The following KIT variants were observed in gnomAD, a reference collection of about 807,000 sequenced individuals.
KIT encodes KIT proto-oncogene, receptor tyrosine kinase, also known as mast/stem cell growth factor receptor Kit.
Under a neutral mutation model 105.7 loss-of-function variants are expected in KIT, and 16 were observed. The observed-to-expected ratio is 0.15, with a 90% CI of 0.10 to 0.23. The LOEUF (loss-of-function observed/expected upper bound fraction) is 0.23. Among genes scored for constraint, KIT ranks in the 10% least tolerant of loss-of-function variants. The pLI is 1.00. For missense variants in KIT, 858 were observed against 1,213.8 expected (o/e 0.71, Z 4.36); for synonymous variants, 438 against 441.1 (o/e 0.99, Z 0.09).
At chr4:54,670,182 T>A (rs1718007954) in intron 1 of KIT, among the ~76,000 whole-genome samples, 4 of 152,236 alleles carry the variant, frequency 2.6e-5, no homozygotes, top group African/African-American at 9.6e-5. Flanking sequence ...CTGTTTGTTC[T>A]GGAATGTGCC....
At chr4:54,724,248 C>T (rs1722079399) in intron 8 of KIT, among the ~76,000 whole-genome samples, 1 of 152,174 alleles carries the variant, frequency 6.6e-6, no homozygotes, top group Non-Finnish European at 1.5e-5. Context: ...CCTTAAATTG[C>T]CCTTTTGCAT....
At chr4:54,724,152 A>G (rs1200271491) in intron 8 of KIT, among the ~76,000 whole-genome samples, 1 of 152,214 alleles carries the variant, frequency 6.6e-6, no homozygotes, top group Non-Finnish European at 1.5e-5. Context: ...CGCTTTTAAA[A>G]AGGGTTTCTT....
In KIT at chr4:54,740,504, G is replaced by A. The variant is rs963283577; in HGVS notation, c.*1947G>A. On this transcript the variant is annotated 3_prime_UTR_variant, in exon 21 of 21. Coordinates refer to ENST00000288135, the MANE Select transcript of KIT (RefSeq NM_000222.3). The stretch of plus-strand genomic sequence containing the variant: ...TTGAAATTATTTTGTGGCTTTTTTT[G>A]TAAATATTGAAATGTAGCAATAATG... 8.6e-6 allele frequency: 2 copies of A among 232,242 alleles called. No individual in the cohort carries two copies. The highest frequency in any genetic ancestry group is 1.7e-5 in the Non-Finnish European group (2 of 117,366). The allele number at this position is 232,242 out of a possible 1,614,324, so 14.4% of individuals were successfully genotyped here.
At chr4:54,706,062 A>G (rs1240870584) in intron 5 of KIT, among the ~76,000 whole-genome samples, 1 of 152,094 alleles carries the variant, frequency 6.6e-6, no homozygotes, top group Non-Finnish European at 1.5e-5. Context: ...ACCTTTTCTA[A>G]GGACTCCATT....
intron 1 of KIT, among the ~76,000 whole-genome samples, chr4:54,664,533 G>A (rs575928699): frequency 6.6e-6 from 1 of 152,128 alleles, no homozygotes; most frequent in African/African-American, 2.4e-5. Flanking sequence ...CTTAAAACTT[G>A]GACACTCCCT....
rs1192807264 is a variant in KIT at position 54,658,024 on chromosome 4, G to T, written c.10G>T (p.Ala4Ser). Residue 4 changes from alanine to serine, a missense_variant, in exon 1 of 21, where the codon GCT (alanine) becomes TCT (serine). Ala to Ser is a moderately conservative substitution (Grantham distance 99). Around this residue, in one of 7 missense-constraint regions of KIT, gnomAD observed 46 missense variants for 38.8 expected, o/e 1.19. Transcript: ENST00000288135. Reference protein sequence around the residue: MRGARGAWDFLCVL... With the variant: MRGSRGAWDFLCVL... ...CATCGCAGCTACCGCGATGAGAGGC[G>T]CTCGCGGCGCCTGGGATTTTCTCTG... 3.1e-6 allele frequency: 5 copies of T among 1,613,740 alleles called. No individual in the cohort carries two copies. The highest frequency in any genetic ancestry group is 4.2e-6 in the Non-Finnish European group (5 of 1,179,882).
rs750730674 is a variant in KIT at position 54,723,067 on chromosome 4, G to A, written c.1232-517G>A. Among the ~76,000 whole-genome samples, 5 of 151,384 alleles carry A rather than the reference G, an allele frequency of 3.3e-5. 1 individual carries two copies. The highest frequency in any genetic ancestry group is 2.1e-4 in the South Asian group (1 of 4,788). On this transcript the variant is annotated intron_variant, in intron 7 of 20. Transcript: ENST00000288135. ...AAATAGAGTGATTCGGCTTTTAATC[G>A]GCACCACCCTTCCACCCCCAAAAAG...
Position 54,740,640 on chromosome 4 carries a change from C to T in KIT, c.*2083C>T, listed in dbSNP as rs755986721. ...AAGTTTAAAGGATGTTGGTGTTCCA[C>T]GTGTTTTATTCCTGTATGTTGTCCA... On this transcript the variant is annotated 3_prime_UTR_variant, in exon 21 of 21. Transcript: ENST00000288135. The T allele has an allele frequency of 3.4e-5, 8 of 232,458 alleles. No individual in the cohort carries two copies. The highest frequency in any genetic ancestry group is 1.8e-4 in the South Asian group (1 of 5,520). 14.4% of individuals were successfully genotyped at this position (232,458 alleles called of 1,614,324 possible).
At chr4:54,735,290 A>T (rs1722858111) in intron 17 of KIT, among the ~76,000 whole-genome samples, 1 of 151,694 alleles carries the variant, frequency 6.6e-6, no homozygotes, top group Non-Finnish European at 1.5e-5. Context: ...GAACTTTAGC[A>T]CAACATCTAG....
intron 1 of KIT, among the ~76,000 whole-genome samples, chr4:54,686,217 C>A (rs1158057687): frequency 6.7e-6 from 1 of 149,572 alleles, no homozygotes; most frequent in East Asian, 1.9e-4. Context: ...TAAGGAGCTA[C>A]TTAAAAAAAA....
intron 14 of KIT, among the ~76,000 whole-genome samples, chr4:54,731,065 G>A (rs1049560402): frequency 3.3e-5 from 5 of 152,192 alleles, no homozygotes; most frequent in South Asian, 2.1e-4. Context: ...GTCAAGAGAC[G>A]GGAAATTTCT....
intron 1 of KIT, among the ~76,000 whole-genome samples, chr4:54,674,420 C>A (rs754587844): frequency 1.3e-5 from 2 of 152,182 alleles, no homozygotes; most frequent in Non-Finnish European, 2.9e-5. Context: ...GATAGTGGTT[C>A]CTGTAGCTGA....
chr4:54,673,127 CT>C (rs1408277433), intron 1 of KIT, among the ~76,000 whole-genome samples: 8 of 152,268 alleles, frequency 5.3e-5, no homozygotes, highest in Middle Eastern at 3.4e-3. Flanking sequence ...GTATTGGCTG[CT>C]GTAGGTTGAT....
At chr4:54,659,816 A>G (rs1039496556) in intron 1 of KIT, among the ~76,000 whole-genome samples, 9 of 152,218 alleles carry the variant, frequency 5.9e-5, no homozygotes, top group Admixed American at 3.3e-4. Context: ...TAAAAAATTA[A>G]AAGAATCAAT....
intron 1 of KIT, among the ~76,000 whole-genome samples, chr4:54,671,326 C>A (rs182871320): frequency 6.6e-6 from 1 of 152,104 alleles, no homozygotes; most frequent in Non-Finnish European, 1.5e-5. Context: ...GAGAAGGAAT[C>A]CAAGATAAAG....
In KIT at chr4:54,658,577, G is replaced by A. The variant is rs1221395592; in HGVS notation, c.67+496G>A. Among the ~76,000 whole-genome samples the A allele has an allele frequency of 5.3e-5, 8 of 152,298 alleles. No homozygotes were observed. The South Asian group carries it at 1.7e-3, about 32-fold the overall frequency. On this transcript the variant is annotated intron_variant, in intron 1 of 20. Transcript: ENST00000288135. ...GGCAAAGTTAGAGAGCCCTTTCTCT[G>A]CTCTGCGGCTACTGCCTTCCAACCG...
chr4:54,671,849 T>TA (rs897208696), intron 1 of KIT, among the ~76,000 whole-genome samples: 1 of 152,172 alleles, frequency 6.6e-6, no homozygotes, highest in Admixed American at 6.5e-5. Context: ...CTTCAACACT[T>TA]ACCAATACGG....
intron 1 of KIT, among the ~76,000 whole-genome samples, chr4:54,681,375 C>T (rs1202990584): frequency 6.6e-6 from 1 of 152,048 alleles, no homozygotes. Context: ...GGGATGGATC[C>T]CAGTATATTT....
intron 1 of KIT, among the ~76,000 whole-genome samples, chr4:54,675,594 GT>G (rs1718410644): frequency 6.6e-6 from 1 of 152,194 alleles, no homozygotes; most frequent in Admixed American, 6.5e-5. Flanking sequence ...ATTATTTTCT[GT>G]TTTGCTTATT....
Sources: gnomAD v4.1 joint callset for allele counts (sites outside exome capture counted in the v4.1 genomes callset) on GRCh38, gnomAD v4.1.1 for gene constraint, gnomAD v4.1.1 regional missense constraint, MANE v1.5 for transcripts, NCBI Gene and HGNC (gene_info 2026-07-23, HGNC 2026-07-21) for gene names.